NHS: variants seen among roughly 807,000 people sequenced by gnomAD.
NHS encodes the protein actin remodeling regulator NHS.
NHS carries 5 observed loss-of-function variants against 72.5 expected under a neutral mutation model. That is an observed-to-expected ratio of 0.07 (90% CI 0.04 to 0.14). The LOEUF is 0.14. NHS is among the 10% of genes least tolerant of loss of function. The probability of loss-of-function intolerance (pLI) is 1.00; values close to 1 mark genes in which losing one functional copy is unlikely to be tolerated. For synonymous variants in NHS, 464 were observed against 547.7 expected, an observed-to-expected ratio of 0.85 and a Z score of 2.13; for missense variants, 1,072 against 1,355.7, an observed-to-expected ratio of 0.79 and a Z score of 3.29.
At chrX:17,532,444 A>G (rs1305101392) in intron 1 of NHS, among the ~76,000 whole-genome samples, 1 of 111,679 alleles carries the variant, frequency 9.0e-6, no homozygotes, top group Non-Finnish European at 1.9e-5. Context: ...CCTTCCTAGC[A>G]GTAAAGAATT....
At chrX:17,604,347 G>T (rs755252592) in intron 1 of NHS, among the ~76,000 whole-genome samples, 2 of 111,133 alleles carry the variant, frequency 1.8e-5, no homozygotes, top group Non-Finnish European at 3.8e-5. Context: ...ACCTATCAAA[G>T]CCTTTAATAT....
At chrX:17,612,956 T>C (rs777782484) in intron 1 of NHS, among the ~76,000 whole-genome samples, 63 of 111,912 alleles carry the variant, frequency 5.6e-4, no homozygotes, top group African/African-American at 2.0e-3. Context: ...CTGTGTGTGA[T>C]AGGTATGCTG....
At chrX:17,521,640 G>C (rs978629571) in intron 1 of NHS, among the ~76,000 whole-genome samples, 7 of 111,480 alleles carry the variant, frequency 6.3e-5, no homozygotes, top group Non-Finnish European at 1.3e-4. Context: ...TGGGATTACT[G>C]GCGTGAGCCA....
intron 1 of NHS, among the ~76,000 whole-genome samples, chrX:17,558,483 G>A (rs914484676): frequency 1.8e-5 from 2 of 112,282 alleles, no homozygotes; most frequent in African/African-American, 3.2e-5. Flanking sequence ...GGCTAGAGTC[G>A]TAAAGAAGGC....
intron 1 of NHS, among the ~76,000 whole-genome samples, chrX:17,385,775 T>C (rs1601683002): frequency 8.9e-6 from 1 of 112,385 alleles, no homozygotes; most frequent in Non-Finnish European, 1.9e-5. Context: ...CTTATATGTA[T>C]GAATTTTTAA....
At chrX:17,434,247 G>A (rs1335721927) in intron 1 of NHS, among the ~76,000 whole-genome samples, 1 of 111,623 alleles carries the variant, frequency 9.0e-6, no homozygotes, top group Non-Finnish European at 1.9e-5. Flanking sequence ...CAGAGGAAAG[G>A]CAAATGGTTT....
intron 1 of NHS, among the ~76,000 whole-genome samples, chrX:17,601,513 TAAATC>T (rs922896027): frequency 2.7e-5 from 3 of 112,190 alleles, no homozygotes; most frequent in African/African-American, 9.7e-5. Context: ...TTCCACATCT[TAAATC>T]AAGACAAATG....
At chrX:17,615,107 T>C (rs2065732617) in intron 1 of NHS, among the ~76,000 whole-genome samples, 1 of 97,949 alleles carries the variant, frequency 1.0e-5, no homozygotes, top group African/African-American at 3.7e-5. Context: ...TATATATGTA[T>C]ATATATATAT....
chrX:17,394,556 G>A (rs759824401), intron 1 of NHS, among the ~76,000 whole-genome samples: 20 of 112,136 alleles, frequency 1.8e-4, no homozygotes, highest in Non-Finnish European at 3.0e-4. Context: ...CTTGCCAGGT[G>A]TGGAATGCAA....
chrX:17,630,532 T>C (rs1420682062), intron 1 of NHS, among the ~76,000 whole-genome samples: 1 of 110,162 alleles, frequency 9.1e-6, no homozygotes, highest in East Asian at 2.9e-4. Context: ...AGACTTGCTG[T>C]TGGCCAAATG....
At chrX:17,618,251 T>C (rs2065756000) in intron 1 of NHS, among the ~76,000 whole-genome samples, 1 of 112,102 alleles carries the variant, frequency 8.9e-6, no homozygotes, top group East Asian at 2.8e-4. Flanking sequence ...ATTATTACTT[T>C]TGAAGTTAGC....
chrX:17,610,259 T>C (rs973005209), intron 1 of NHS, among the ~76,000 whole-genome samples: 3 of 111,866 alleles, frequency 2.7e-5, no homozygotes, highest in South Asian at 3.8e-4. Context: ...AATTGTGTAT[T>C]ATGGGTCTAT....
At chrX:17,466,280 C>T (rs2064870430) in intron 1 of NHS, among the ~76,000 whole-genome samples, 1 of 112,340 alleles carries the variant, frequency 8.9e-6, no homozygotes, top group Non-Finnish European at 1.9e-5. Flanking sequence ...TGGAAAAATC[C>T]AATTTGTTGT....
intron 1 of NHS, among the ~76,000 whole-genome samples, chrX:17,482,811 A>T (rs1418039675): frequency 8.9e-6 from 1 of 112,250 alleles, no homozygotes; most frequent in Non-Finnish European, 1.9e-5. Context: ...TCTCTTTTAA[A>T]TTTTTTTAAA....
At chrX:17,708,771 A>T (rs997604202) in intron 3 of NHS, among the ~76,000 whole-genome samples, 1 of 111,332 alleles carries the variant, frequency 9.0e-6, no homozygotes, top group Non-Finnish European at 1.9e-5. Context: ...CATGAGTTCA[A>T]ATACTTTGCT....
rs760295479 is a variant in NHS, at chrX:17,514,802, A to AGGT, written c.565+138481_565+138483dup. 5.4e-5 allele frequency among the ~76,000 whole-genome samples: 6 copies of AGGT among 111,972 alleles called. No homozygotes were observed. In the South Asian group the frequency reaches 2.2e-3, roughly 42 times the overall value. Reference sequence around the variant, plus strand: ...GTTTCAACCCTGAGAGATTTCTCCAAGGTCTGCTGCACTTATAGGGCTGTT... The same window carrying AGGT: ...GTTTCAACCCTGAGAGATTTCTCCAAGGTGGTCTGCTGCACTTATAGGGCTGTT... On this transcript the variant is annotated intron_variant, in intron 1 of 8. Transcript: ENST00000676302.
At chrX:17,492,653 C>A (rs781266727) in intron 1 of NHS, among the ~76,000 whole-genome samples, 2 of 112,135 alleles carry the variant, frequency 1.8e-5, no homozygotes, top group Non-Finnish European at 3.8e-5. Flanking sequence ...ATGAGGTCTA[C>A]TTGGTCCAGA....
intron 1 of NHS, among the ~76,000 whole-genome samples, chrX:17,438,828 G>A (rs1485114552): frequency 9.0e-6 from 1 of 111,074 alleles, no homozygotes; most frequent in Non-Finnish European, 1.9e-5. Context: ...CCTGAATTTG[G>A]TTGGGAGGGG....
At chrX:17,474,385 G>T (rs1924120417) in intron 1 of NHS, among the ~76,000 whole-genome samples, 1 of 111,993 alleles carries the variant, frequency 8.9e-6, no homozygotes, top group Non-Finnish European at 1.9e-5. Flanking sequence ...AATTTAGTTT[G>T]TAAGTGATTT....
Sources: allele counts gnomAD v4.1 joint callset (sites outside exome capture counted in the v4.1 genomes callset), GRCh38; gene constraint gnomAD v4.1.1; transcripts MANE v1.5; gene names NCBI Gene and HGNC (gene_info 2026-07-23, HGNC 2026-07-21).